The following KIRREL3 variants were observed in gnomAD, a reference collection of about 807,000 sequenced individuals.
KIRREL3 encodes the protein kin of IRRE-like protein 3.
In KIRREL3, 36 loss-of-function variants were observed where a neutral mutation model predicts 89.7. The observed-to-expected ratio is 0.40, with a 90% CI of 0.31 to 0.53. The LOEUF is 0.53. Ranked by LOEUF, KIRREL3 falls within the 20% of genes least tolerant of loss-of-function variation. KIRREL3 has a pLI of 0.49. For missense variants in KIRREL3, 864 were observed against 1,056.6 expected, an observed-to-expected ratio of 0.82 and a Z score of 2.53; for synonymous variants, 445 against 441.4, an observed-to-expected ratio of 1.01 and a Z score of -0.10.
Position 126,627,377 on chromosome 11 carries a change from G to A in KIRREL3, c.56-64465C>T, listed in dbSNP as rs114462415. On this transcript the variant is annotated intron_variant, in intron 1 of 16. Coordinates refer to ENST00000525144, the MANE Select transcript of KIRREL3 (RefSeq NM_032531.4). This position sits in a 1 kb window ranked among gnomAD's most constrained non-coding sequence, Gnocchi z 5.0. The stretch of plus-strand genomic sequence containing the variant: ...GACCTGGTCTGTGTTCCTATAGGCC[G>A]CCCTTTAGGCAAACCTTATTGCTTA... Among the ~76,000 whole-genome samples, 3,214 of 152,284 alleles carry A rather than the reference G, an allele frequency of 0.021. 32 individuals are homozygous for A. The highest frequency in any genetic ancestry group is 0.088 in the Middle Eastern group (26 of 294).
intron 1 of KIRREL3, among the ~76,000 whole-genome samples, chr11:126,646,941 G>A (rs369282101): frequency 2.6e-4 from 39 of 152,124 alleles, no homozygotes; most frequent in African/African-American, 9.2e-4. Context: ...TTGCACCACC[G>A]ATGAGCCAAT....
chr11:126,588,122 C>G (rs1941956783), intron 1 of KIRREL3, among the ~76,000 whole-genome samples: 2 of 152,186 alleles, frequency 1.3e-5, no homozygotes, highest in African/African-American at 4.8e-5. Context: ...GCAAAATGGG[C>G]TTTATTGTTC....
chr11:126,978,843 A>G lies in KIRREL3; in HGVS notation c.55+21612T>C, dbSNP rs1949650538. Among the ~76,000 whole-genome samples the G allele has an allele frequency of 2.0e-5, 3 of 152,134 alleles. No individual in the cohort carries two copies. Among genetic ancestry groups the G allele is most frequent in the Admixed American group, 6.6e-5 (1 of 15,264 alleles). On this transcript the variant is annotated intron_variant, in intron 1 of 16. Transcript: ENST00000525144. The surrounding 1 kb of genome is among the most constrained non-coding windows in gnomAD (Gnocchi z 4.2). ...GGGTCCCTACCTCTCTGCACCCGGG[A>G]TGCTTATTCTCTTACCTGGCTTCCC...
intron 7 of KIRREL3, among the ~76,000 whole-genome samples, chr11:126,452,223 A>G (rs1956202494): frequency 6.6e-6 from 1 of 152,264 alleles, no homozygotes; most frequent in African/African-American, 2.4e-5. Flanking sequence ...TATCTCCCTT[A>G]GAGCTTAAGG....
intron 1 of KIRREL3, among the ~76,000 whole-genome samples, chr11:126,600,731 A>C (rs1473802978): frequency 6.6e-6 from 1 of 152,210 alleles, no homozygotes; most frequent in African/African-American, 2.4e-5. Flanking sequence ...ATATAAGTAA[A>C]ATTTGAATTT....
In KIRREL3 at chr11:126,683,942, T is replaced by C. The variant is rs1157530751; in HGVS notation, c.56-121030A>G. Among the ~76,000 whole-genome samples, 2 of 152,248 alleles carry C rather than the reference T, an allele frequency of 1.3e-5. No homozygotes were observed. Among genetic ancestry groups the C allele is most frequent in the African/African-American group, 4.8e-5 (2 of 41,472 alleles). ...TCCCCCTTCAGGGACTGTCGTGGGC[T>C]GTGGCCTCAGAGGTCCCTTACAGGG... On this transcript the variant is annotated intron_variant, in intron 1 of 16. Transcript: ENST00000525144. The surrounding 1 kb of genome is among the most constrained non-coding windows in gnomAD (Gnocchi z 5.2).
chr11:126,484,002 G>A lies in KIRREL3; in HGVS notation c.434-10536C>T, dbSNP rs1161096364. Among the ~76,000 whole-genome samples the A allele has an allele frequency of 6.6e-6, 1 of 152,220 alleles. No individual in the cohort carries two copies. Among genetic ancestry groups the A allele is most frequent in the Non-Finnish European group, 1.5e-5 (1 of 68,046 alleles). ...TGTGCCCGCCTCAGCAGGTACATGT[G>A]GTGCCTGGCGCCATTACCACCTGTT... is the stretch of plus-strand genomic sequence containing the variant. On this transcript the variant is annotated intron_variant, in intron 4 of 16. Transcript: ENST00000525144. This position sits in a 1 kb window ranked among gnomAD's most constrained non-coding sequence, Gnocchi z 5.2.
At chr11:126,899,681 T>C (rs796466393) in intron 1 of KIRREL3, among the ~76,000 whole-genome samples, 21 of 152,282 alleles carry the variant, frequency 1.4e-4, no homozygotes, top group African/African-American at 4.8e-4. Context: ...TAGCAAAAGG[T>C]GCTATCAAGT....
chr11:126,656,910 G>A lies in KIRREL3; in HGVS notation c.56-93998C>T, dbSNP rs1057399366. ...CTACTAGGAATACAGGGGTTGGCTG[G>A]GCATGGTGGTGTGTGCTTGTGGTCC... On this transcript the variant is annotated intron_variant, in intron 1 of 16. Transcript: ENST00000525144. The surrounding 1 kb of genome is among the most constrained non-coding windows in gnomAD (Gnocchi z 4.0). Among the ~76,000 whole-genome samples the A allele has an allele frequency of 1.3e-5, 2 of 152,068 alleles. No individual in the cohort carries two copies. The highest frequency in any genetic ancestry group is 4.8e-5 in the African/African-American group (2 of 41,394).
chr11:126,501,455 G>T lies in KIRREL3; in HGVS notation c.433+19860C>A, dbSNP rs986005142. Among the ~76,000 whole-genome samples, 5 of 152,168 alleles carry T rather than the reference G, an allele frequency of 3.3e-5. No individual in the cohort carries two copies. Among genetic ancestry groups the T allele is most frequent in the African/African-American group, 4.8e-5 (2 of 41,434 alleles). ...GGTGCCCAGGTGGGGAAGGCAGAGC[G>T]CAGGTCGAGCAGATTCTACCGCAGC... On this transcript the variant is annotated intron_variant, in intron 4 of 16. Coordinates refer to ENST00000525144, the MANE Select transcript of KIRREL3 (RefSeq NM_032531.4). The surrounding 1 kb of genome is among the most constrained non-coding windows in gnomAD (Gnocchi z 5.8).
In KIRREL3 at chr11:126,521,269, T is replaced by C. The variant is rs369809578; in HGVS notation, c.433+46A>G. The C allele has an allele frequency of 1.0e-5, 15 of 1,473,304 alleles. No individual in the cohort carries two copies. In the Middle Eastern group the frequency reaches 5.7e-4, roughly 56 times the overall value. The allele number at this position is 1,473,304 out of a possible 1,614,324, so 91.3% of individuals were successfully genotyped here. A position where few individuals can be genotyped will look rare whatever the true frequency, so the allele number is the denominator to read the frequency against. On this transcript the variant is annotated intron_variant, in intron 4 of 16. Coordinates refer to ENST00000525144, the MANE Select transcript of KIRREL3 (RefSeq NM_032531.4). This position sits in a 1 kb window ranked among gnomAD's most constrained non-coding sequence, Gnocchi z 4.1. ...AAATACCCTCTTGGAGCTGAGCCCTTGGTGCTTCACGCAGTGTCCCAGCCC... is the reference window on the plus strand; with the variant it reads ...AAATACCCTCTTGGAGCTGAGCCCTCGGTGCTTCACGCAGTGTCCCAGCCC...
intron 1 of KIRREL3, among the ~76,000 whole-genome samples, chr11:126,929,956 C>CT (rs1295712131): frequency 6.6e-6 from 1 of 152,050 alleles, no homozygotes; most frequent in Non-Finnish European, 1.5e-5. Context: ...CCACCCCCCC[C>CT]CCCCCACCTC....
intron 1 of KIRREL3, among the ~76,000 whole-genome samples, chr11:126,913,932 G>C (rs116934426): frequency 1.2e-3 from 176 of 152,306 alleles, no homozygotes; most frequent in Middle Eastern, 6.8e-3. Context: ...CCATACTCAT[G>C]AACAATAGGT....
At chr11:126,674,794 G>A (rs1168703683) in intron 1 of KIRREL3, among the ~76,000 whole-genome samples, 1 of 152,180 alleles carries the variant, frequency 6.6e-6, no homozygotes, top group Non-Finnish European at 1.5e-5. Context: ...CTAAGAATCT[G>A]ATGTGCTTAC....
In KIRREL3 at chr11:126,747,915, C is replaced by T. The variant is rs1414678720; in HGVS notation, c.56-185003G>A. ...CCTCCAGACAGGCGTTGCGGTCTTT[C>T]CCTATCCCACAGGGTCTAGATGCGG... is the stretch of plus-strand genomic sequence containing the variant. On this transcript the variant is annotated intron_variant, in intron 1 of 16. Coordinates refer to ENST00000525144, the MANE Select transcript of KIRREL3 (RefSeq NM_032531.4). This position sits in a 1 kb window ranked among gnomAD's most constrained non-coding sequence, Gnocchi z 4.7. Among the ~76,000 whole-genome samples the T allele has an allele frequency of 1.3e-5, 2 of 152,140 alleles. No homozygotes were observed. Among genetic ancestry groups the T allele is most frequent in the African/African-American group, 4.8e-5 (2 of 41,428 alleles).
chr11:126,448,137 T>A (rs544807791), intron 8 of KIRREL3, among the ~76,000 whole-genome samples: 2 of 151,776 alleles, frequency 1.3e-5, no homozygotes, highest in Non-Finnish European at 2.9e-5. Flanking sequence ...ACAAAAATTA[T>A]CTGGGTATGG....
At chr11:126,658,752 C>T (rs1945267750) in intron 1 of KIRREL3, among the ~76,000 whole-genome samples, 1 of 152,164 alleles carries the variant, frequency 6.6e-6, no homozygotes, top group Admixed American at 6.5e-5. Flanking sequence ...CTTCCTGCTC[C>T]TCCGCCAGAC....
At chr11:126,733,490 C>T (rs1416713983) in intron 1 of KIRREL3, among the ~76,000 whole-genome samples, 1 of 152,046 alleles carries the variant, frequency 6.6e-6, no homozygotes, top group Non-Finnish European at 1.5e-5. Flanking sequence ...TTCCTTCTTT[C>T]TCTGAGCTGT....
rs1419470731 is a variant in KIRREL3, at chr11:126,641,761, A to G, written c.56-78849T>C. On this transcript the variant is annotated intron_variant, in intron 1 of 16. Transcript: ENST00000525144. The surrounding 1 kb of genome is among the most constrained non-coding windows in gnomAD (Gnocchi z 5.0). ...TTGCATAGCATTTATTATGCTATGT[A>G]AATACACCATTATATATGAATTTAT... Among the ~76,000 whole-genome samples, 3 of 152,216 alleles carry G rather than the reference A, an allele frequency of 2.0e-5. No individual in the cohort carries two copies. Among genetic ancestry groups the G allele is most frequent in the African/African-American group, 7.2e-5 (3 of 41,452 alleles).
Sources: gnomAD v4.1 joint callset for allele counts (sites outside exome capture counted in the v4.1 genomes callset) on GRCh38, gnomAD v4.1.1 for gene constraint, Gnocchi (gnomAD v3.1) non-coding constraint, MANE v1.5 for transcripts, NCBI Gene and HGNC (gene_info 2026-07-23, HGNC 2026-07-21) for gene names.